TENM2: variants seen among roughly 807,000 people sequenced by gnomAD.
TENM2 encodes teneurin transmembrane protein 2, also known as teneurin-2.
TENM2 carries 52 observed loss-of-function variants against 245.2 expected under a neutral mutation model. The ratio of observed to expected loss-of-function variants is 0.21; its 90% CI spans 0.17 to 0.27. The LOEUF is 0.27. TENM2 is among the 10% of genes least tolerant of loss of function. The probability of loss-of-function intolerance (pLI) is 1.00; values close to 1 mark genes in which losing one functional copy is unlikely to be tolerated. For synonymous variants in TENM2, 1,363 were observed against 1,438.9 expected (o/e 0.95, Z 1.19); for missense variants, 3,046 against 3,666.8 (o/e 0.83, Z 4.37).
rs141404942 is a variant in TENM2, at chr5:167,992,678, T to C, written c.948-266T>C. Among the ~76,000 whole-genome samples, 450 of 152,282 alleles carry C rather than the reference T, an allele frequency of 3.0e-3. 4 individuals are homozygous for C. Among genetic ancestry groups the C allele is most frequent in the South Asian group, 9.7e-3 (47 of 4,830 alleles). The stretch of plus-strand genomic sequence containing the variant: ...TCATCTCTGAGGAGGTGACAGTCAT[T>C]CAGTTTCCATATTTGCTTTGAATGC... On this transcript the variant is annotated intron_variant, in intron 4 of 28. Coordinates refer to ENST00000518659, the Ensembl canonical transcript of TENM2.
chr5:167,477,644 G>A (rs769807858), intron 2 of TENM2, among the ~76,000 whole-genome samples: 3 of 152,128 alleles, frequency 2.0e-5, no homozygotes, highest in East Asian at 3.9e-4. Flanking sequence ...TTCTCAAAGT[G>A]GTAATCTGCA....
intron 10 of TENM2, among the ~76,000 whole-genome samples, chr5:168,120,996 T>A (rs1795432099): frequency 6.6e-6 from 1 of 152,192 alleles, no homozygotes; most frequent in Non-Finnish European, 1.5e-5. Context: ...GACATATTAG[T>A]TTAAGTCAGC....
intron 2 of TENM2, among the ~76,000 whole-genome samples, chr5:167,872,890 A>G (rs538330766): frequency 6.6e-6 from 1 of 152,396 alleles, no homozygotes; most frequent in Admixed American, 6.5e-5. Context: ...ATAATTTCAC[A>G]GCAACTATCA....
At chr5:168,156,969 C>T (rs997300774) in intron 12 of TENM2, among the ~76,000 whole-genome samples, 7 of 152,132 alleles carry the variant, frequency 4.6e-5, no homozygotes, top group South Asian at 2.1e-4. Context: ...GTAATGACAA[C>T]GGGCACATTT....
intron 1 of TENM2, among the ~76,000 whole-genome samples, chr5:167,329,133 T>A (rs1435697484): frequency 6.6e-6 from 1 of 152,152 alleles, no homozygotes; most frequent in Non-Finnish European, 1.5e-5. Flanking sequence ...CAACAACCCC[T>A]GTGGGAGATG....
chr5:167,356,746 C>T (rs1185166856), intron 1 of TENM2, among the ~76,000 whole-genome samples: 1 of 152,162 alleles, frequency 6.6e-6, no homozygotes, highest in Non-Finnish European at 1.5e-5. Flanking sequence ...TGATTTTGGC[C>T]TTCCATACAC....
chr5:168,139,461 A>C, intron 12 of TENM2: 1 of 456,468 alleles, frequency 2.2e-6, no homozygotes, highest in Middle Eastern at 3.3e-4. Context: ...TCTAAGTAGG[A>C]AAACTTTGAG....
intron 2 of TENM2, among the ~76,000 whole-genome samples, chr5:167,768,923 G>A (rs1763218508): frequency 6.6e-6 from 1 of 152,198 alleles, no homozygotes. Context: ...TCTAGAGGGT[G>A]CGGCTCATGG....
chr5:167,155,360 G>T, the TENM2 span, among the ~76,000 whole-genome samples: 2 of 152,156 alleles, frequency 1.3e-5, no homozygotes, highest in Admixed American at 6.5e-5. Context: ...AAATAATATT[G>T]AGAAACCTAT....
intron 1 of TENM2, among the ~76,000 whole-genome samples, chr5:167,340,212 A>G (rs1230187655): frequency 6.6e-6 from 1 of 152,134 alleles, no homozygotes; most frequent in Non-Finnish European, 1.5e-5. Context: ...TAACATCTGT[A>G]TTTCTATAAT....
At chr5:168,263,034 AAAAC>A, downstream of TENM2, 1 of 505,822 alleles carries the variant, frequency 2.0e-6, no homozygotes, top group South Asian at 3.6e-5. Context: ...CGAGGAAAAC[AAAAC>A]AAACGAATGA....
chr5:167,466,843 C>T (rs1262430799), intron 2 of TENM2, among the ~76,000 whole-genome samples: 3 of 152,188 alleles, frequency 2.0e-5, no homozygotes, highest in African/African-American at 4.8e-5. Flanking sequence ...AGCAAGGTCT[C>T]CCCACGTACT....
the TENM2 span, among the ~76,000 whole-genome samples, chr5:167,071,014 C>T: frequency 1.7e-3 from 258 of 152,246 alleles, 5 homozygotes; most frequent in East Asian, 0.036. Flanking sequence ...GACCGTACTA[C>T]AGGTTCCTCT....
At chr5:167,226,053 T>G in the TENM2 span, among the ~76,000 whole-genome samples, 3 of 151,874 alleles carry the variant, frequency 2.0e-5, no homozygotes, top group Non-Finnish European at 4.4e-5. Flanking sequence ...GGTCTTCTTT[T>G]CTTGGTTAGT....
intron 3 of TENM2, among the ~76,000 whole-genome samples, chr5:167,905,936 A>T (rs187654430): frequency 1.3e-3 from 199 of 152,278 alleles, no homozygotes; most frequent in Middle Eastern, 3.4e-3. Context: ...AGTGTTTTTT[A>T]AAAAAAGGAA....
At chr5:167,560,083 AC>A (rs1282927389) in intron 2 of TENM2, among the ~76,000 whole-genome samples, 1 of 151,984 alleles carries the variant, frequency 6.6e-6, no homozygotes, top group African/African-American at 2.4e-5. Context: ...ACTTCCCAGC[AC>A]AGTAACAGTG....
intron 2 of TENM2, among the ~76,000 whole-genome samples, chr5:167,408,069 T>C (rs1561930964): frequency 6.6e-6 from 1 of 152,150 alleles, no homozygotes; most frequent in Non-Finnish European, 1.5e-5. Context: ...ATTTCCTTAT[T>C]CCACTGTGGC....
At chr5:168,173,581 C>G (rs944048676) in intron 13 of TENM2, among the ~76,000 whole-genome samples, 1 of 152,092 alleles carries the variant, frequency 6.6e-6, no homozygotes, top group African/African-American at 2.4e-5. Context: ...AACACCCTCC[C>G]CCACACCAGC....
chr5:167,015,245 T>C, the TENM2 span, among the ~76,000 whole-genome samples: 1 of 152,216 alleles, frequency 6.6e-6, no homozygotes. Flanking sequence ...TTCTTTTTCT[T>C]CAAAATGCCG....
Sources: gnomAD v4.1 joint callset for allele counts (sites outside exome capture counted in the v4.1 genomes callset) on GRCh38, gnomAD v4.1.1 for gene constraint, MANE v1.5 for transcripts, NCBI Gene and HGNC (gene_info 2026-07-23, HGNC 2026-07-21) for gene names.